CERS5: variants seen among roughly 807,000 people sequenced by gnomAD.
CERS5 encodes LAG1 homolog, ceramide synthase 5.
Under a neutral mutation model 58.9 loss-of-function variants are expected in CERS5, and 37 were observed. The ratio of observed to expected loss-of-function variants is 0.63; its 90% confidence interval spans 0.48 to 0.83. CERS5 has a LOEUF of 0.83. Among genes scored for constraint, CERS5 ranks in the 40% least tolerant of loss-of-function variants. CERS5 has a pLI of 0.00. For synonymous variants in CERS5, 147 were observed against 177.8 expected, an observed-to-expected ratio of 0.83 and a Z score of 1.38; for missense variants, 398 against 489.3, an observed-to-expected ratio of 0.81 and a Z score of 1.76.
intron 1 of CERS5, 63 bp from the exon 2 acceptor site, chr12:50,144,120 T>C (rs995010361): frequency 2.3e-5 from 21 of 894,940 alleles, no homozygotes; most frequent in Non-Finnish European, 3.6e-5. Flanking sequence ...AGTTGACACA[T>C]AATAATTGTA....
At chr12:50,144,733 A>T in intron 1 of CERS5, 1 of 1,243,650 alleles carries the variant, frequency 8.0e-7, no homozygotes, top group Non-Finnish European at 1.1e-6. Context: ...TCTCAGATCT[A>T]CTAATAAGGC....
intron 6 of CERS5, 50 bp from the exon 7 acceptor site, chr12:50,136,119 A>C: frequency 7.0e-7 from 1 of 1,434,606 alleles, no homozygotes; most frequent in Admixed American, 2.6e-5. Context: ...GGCCCTAGAA[A>C]CACCAGCCAA....
chr12:50,148,927 A>AATATATATATATATAT (rs773368671), intron 1 of CERS5, among the ~76,000 whole-genome samples: 160 of 47,872 alleles, frequency 3.3e-3, no homozygotes, highest in Non-Finnish European at 4.3e-3. Flanking sequence ...AAAAAAAAAA[A>AATATATATATATATAT]ATATATATAT....
chr12:50,156,251 A>G (rs894292646), intron 1 of CERS5, among the ~76,000 whole-genome samples: 2 of 150,024 alleles, frequency 1.3e-5, no homozygotes, highest in East Asian at 2.0e-4. Flanking sequence ...AATACAAAAA[A>G]AAATTAGCCG....
chr12:50,166,531 C>G (rs1229916549), intron 1 of CERS5, among the ~76,000 whole-genome samples: 1 of 152,154 alleles, frequency 6.6e-6, no homozygotes, highest in Non-Finnish European at 1.5e-5. Context: ...CAGATTTCTA[C>G]CCTCCTACCA....
intron 8 of CERS5, 119 bp downstream of exon 8, chr12:50,135,613 T>G (rs1167641606): frequency 1.2e-6 from 1 of 823,352 alleles, no homozygotes; most frequent in Non-Finnish European, 2.1e-6. Context: ...AGGGTTCTTG[T>G]GTTCTATTGG....
At chr12:50,146,581 C>T (rs144610831) in intron 1 of CERS5, among the ~76,000 whole-genome samples, 2 of 152,106 alleles carry the variant, frequency 1.3e-5, no homozygotes, top group African/African-American at 4.8e-5. Context: ...ATTTGACAGC[C>T]GGGCGCAGTG....
At chr12:50,139,653 C>T (rs1380133143) in intron 4 of CERS5, among the ~76,000 whole-genome samples, 2 of 151,988 alleles carry the variant, frequency 1.3e-5, no homozygotes, top group Admixed American at 6.6e-5. Context: ...ATTAGCTGGG[C>T]CTGGTGGCGT....
At chr12:50,140,057 A>G (rs547273778) in intron 4 of CERS5, among the ~76,000 whole-genome samples, 9 of 151,980 alleles carry the variant, frequency 5.9e-5, no homozygotes, top group African/African-American at 2.2e-4. Flanking sequence ...TCCTTACTTT[A>G]ACCTATTTTG....
In CERS5 at chr12:50,137,728, C is replaced by T; in HGVS notation, c.636G>A (p.Lys212=). 3 of 1,576,338 alleles carry T rather than the reference C, an allele frequency of 1.9e-6. No individual in the cohort carries two copies. Among genetic ancestry groups the T allele is most frequent in the African/African-American group, 1.4e-5 (1 of 73,962 alleles). ...MFSQFTDIKR[K]DFLIMFVHHL... ...GAATTGAGGGAGCCAACGTCCTTAC[C>T]TTTCTTTTAATGTCTGTAAACTGAG... The change falls in exon 6 of 10, where the codon AAG becomes AAA. Residue 212 remains lysine, a splice_region_variant and synonymous_variant. Coordinates refer to ENST00000317551, the MANE Select transcript of CERS5 (RefSeq NM_147190.5).
At chr12:50,152,614 C>T (rs898475391) in intron 1 of CERS5, among the ~76,000 whole-genome samples, 1 of 151,964 alleles carries the variant, frequency 6.6e-6, no homozygotes, top group African/African-American at 2.4e-5. Context: ...CCAAAAAGCA[C>T]TTCTGATGCA....
chr12:50,145,033 G>T, intron 1 of CERS5: 1 of 212,170 alleles, frequency 4.7e-6, no homozygotes, highest in Admixed American at 5.6e-5. Context: ...AGCTACTTGG[G>T]AGGCTGAGGC....
At chr12:50,158,890 C>A (rs1399647003) in intron 1 of CERS5, among the ~76,000 whole-genome samples, 4 of 152,014 alleles carry the variant, frequency 2.6e-5, no homozygotes, top group African/African-American at 9.7e-5. Flanking sequence ...ATTCTCAATG[C>A]CTTATCAGAG....
rs1592343192 is a variant in CERS5, at chr12:50,135,763, T to C, written c.841A>G (p.Met281Val). 2 of 1,613,864 alleles carry C rather than the reference T, an allele frequency of 1.2e-6. No individual in the cohort carries two copies. The highest frequency in any genetic ancestry group is 1.7e-6 in the Non-Finnish European group (2 of 1,179,850). Residue 281 changes from methionine (M) to valine (V), a missense_variant, in exon 8 of 10, where the codon ATG becomes GTG. By Grantham distance (21) the Met-to-Val change is conservative (BLOSUM62 1). Around this residue, in one of 3 missense-constraint regions of CERS5, gnomAD observed 328 missense variants for 384.5 expected, o/e 0.85. Transcript: ENST00000317551. Reference protein sequence around the residue: ...TLFVIFSAVFMVTRLGIYPFW... With the variant: ...TLFVIFSAVFVVTRLGIYPFW... ...GGATAGATTCCTAGTCGTGTAACCA[T>C]AAAAACAGCACTGAAGATCACAAAA...
intron 1 of CERS5, among the ~76,000 whole-genome samples, chr12:50,160,876 G>T (rs1939204025): frequency 1.3e-5 from 2 of 152,176 alleles, no homozygotes; most frequent in South Asian, 4.1e-4. Context: ...ACAGTGGGTA[G>T]CCTGAGTGTG....
intron 2 of CERS5, 25 bp downstream of exon 2, chr12:50,143,927 C>A: frequency 7.2e-7 from 1 of 1,381,936 alleles, no homozygotes; most frequent in South Asian, 1.2e-5. Context: ...TGTGAATATT[C>A]CTCTCTGTTT....
chr12:50,132,591 CATTTGCTTTGG>C (rs1297652536), intron 9 of CERS5, among the ~76,000 whole-genome samples: 3 of 152,060 alleles, frequency 2.0e-5, no homozygotes, highest in Non-Finnish European at 4.4e-5. Context: ...AGGAGGTGGG[CATTTGCTTTGG>C]ATCAGCTCCT....
intron 8 of CERS5, 133 bp downstream of exon 8, chr12:50,135,599 C>A (rs780305659): frequency 1.3e-6 from 1 of 779,688 alleles, no homozygotes. Context: ...AAAAGCAGGG[C>A]AATAGGGTTC....
At chr12:50,143,687 A>G (rs111719324) in intron 2 of CERS5, 1 of 385,876 alleles carries the variant, frequency 2.6e-6, no homozygotes, top group Non-Finnish European at 4.7e-6. Flanking sequence ...CAAAAACCAG[A>G]TATGGTATGT....
Sources: allele counts gnomAD v4.1 joint callset (sites outside exome capture counted in the v4.1 genomes callset), GRCh38; gene constraint gnomAD v4.1.1; regional missense constraint gnomAD v4.1.1; transcripts MANE v1.5; gene names NCBI Gene and HGNC (gene_info 2026-07-23, HGNC 2026-07-21).